PPP1R21: variants seen among roughly 807,000 people sequenced by gnomAD.
PPP1R21 encodes protein phosphatase 1 regulatory subunit 21.
Under a neutral mutation model 112.8 loss-of-function variants are expected in PPP1R21, and 85 were observed. That is an observed-to-expected ratio of 0.75 (90% CI 0.63 to 0.90). The LOEUF (loss-of-function observed/expected upper bound fraction) is 0.90. Among genes scored for constraint, PPP1R21 ranks in the 40% least tolerant of loss-of-function variants. PPP1R21 has a pLI of 0.00. For synonymous variants in PPP1R21, 381 were observed against 322.3 expected (o/e 1.18, Z -1.95); for missense variants, 1,199 against 901.5 (o/e 1.33, Z -4.23).
chr2:48,471,425 T>G, intron 11 of PPP1R21, 58 bp downstream of exon 11: 1 of 1,486,600 alleles, frequency 6.7e-7, no homozygotes, highest in South Asian at 1.4e-5. Flanking sequence ...CTGATCTGGC[T>G]GGCGTTAATA....
At chr2:48,461,699 A>T (rs1667985214) in intron 7 of PPP1R21, among the ~76,000 whole-genome samples, 1 of 152,200 alleles carries the variant, frequency 6.6e-6, no homozygotes, top group Non-Finnish European at 1.5e-5. Flanking sequence ...GATAATTTAC[A>T]TTCCCAGGAA....
At position 48,440,817 on chromosome 2, in the gene PPP1R21, C is replaced by T. The variant is rs935033156; in HGVS notation, c.-137C>T. 15 of 639,526 alleles carry T rather than the reference C, an allele frequency of 2.3e-5. No homozygotes were observed. The highest frequency in any genetic ancestry group is 1.6e-4 in the African/African-American group (8 of 51,216). The allele number at this position is 639,526 out of a possible 1,614,324, so 39.6% of individuals were successfully genotyped here. A position where few individuals can be genotyped will look rare whatever the true frequency, so the allele number is the denominator to read the frequency against. On this transcript the variant is annotated 5_prime_UTR_variant, in exon 1 of 22. Transcript: ENST00000294952. ...CCCGGAAGTGGAGGAGGAGGCGCGG[C>T]GGCGGCGGCGGCGGCGGCTGCGGTG... is the stretch of plus-strand genomic sequence containing the variant.
At chr2:48,510,338 T>C (rs1047572626) in intron 20 of PPP1R21, among the ~76,000 whole-genome samples, 1 of 152,262 alleles carries the variant, frequency 6.6e-6, no homozygotes, top group Non-Finnish European at 1.5e-5. Flanking sequence ...TATAGTCGGC[T>C]TTTGCTTAAA....
intron 8 of PPP1R21, among the ~76,000 whole-genome samples, chr2:48,465,246 C>G (rs1323473521): frequency 6.6e-6 from 1 of 152,104 alleles, no homozygotes; most frequent in Admixed American, 6.5e-5. Context: ...TTGAGCCATA[C>G]TTTTTTGTGG....
intron 17 of PPP1R21, among the ~76,000 whole-genome samples, chr2:48,499,023 C>A (rs1200807893): frequency 6.6e-6 from 1 of 151,482 alleles, no homozygotes; most frequent in Admixed American, 6.6e-5. Context: ...GGTGAGCTCT[C>A]TGGGGTCTCT....
intron 17 of PPP1R21, among the ~76,000 whole-genome samples, chr2:48,504,178 A>G (rs1384457822): frequency 1.3e-5 from 2 of 152,146 alleles, no homozygotes; most frequent in Non-Finnish European, 2.9e-5. Flanking sequence ...AAAGAGAGTA[A>G]TTGCTACTTC....
At chr2:48,461,255 C>A in intron 7 of PPP1R21, 23 bp downstream of exon 7, 1 of 1,501,796 alleles carries the variant, frequency 6.7e-7, no homozygotes. Flanking sequence ...TACAGTTTTC[C>A]ATTATTTGTA....
chr2:48,453,349 A>AT (rs1156422453), intron 2 of PPP1R21, among the ~76,000 whole-genome samples: 1 of 151,974 alleles, frequency 6.6e-6, no homozygotes, highest in Non-Finnish European at 1.5e-5. Flanking sequence ...ACATACAGTT[A>AT]TTTTTTTATT....
chr2:48,497,594 T>C (rs1409207630), intron 16 of PPP1R21, among the ~76,000 whole-genome samples: 29 of 152,190 alleles, frequency 1.9e-4, no homozygotes, highest in Admixed American at 1.7e-3. Flanking sequence ...GTTGTTGATA[T>C]TAGTTTTAAA....
intron 1 of PPP1R21, among the ~76,000 whole-genome samples, chr2:48,448,460 A>T (rs754800858): frequency 4.1e-4 from 62 of 152,184 alleles, no homozygotes; most frequent in Admixed American, 2.0e-4. Context: ...TTTTACAGGA[A>T]ATTATCAGTT....
Position 48,459,758 on chromosome 2 carries a change from T to G in PPP1R21, c.380T>G (p.Phe127Cys). 6.2e-7 allele frequency: 1 copy of G among 1,608,764 alleles called. No homozygotes were observed. Among genetic ancestry groups the G allele is most frequent in the Non-Finnish European group, 8.5e-7 (1 of 1,178,586 alleles). ...AAAATGGTCTTCTCTTTTTAGTTTT[T>G]TGAAGCTGATGAGCAGCACAAGCAT... Reference protein sequence around the residue: ...EENERLHIQFFEADEQHKHVE... With the variant: ...EENERLHIQFCEADEQHKHVE... The change falls in exon 5 of 22, where the codon TTT becomes TGT. Residue 127 changes from phenylalanine (F) to cysteine (C), a missense_variant. Coordinates refer to ENST00000294952, the MANE Select transcript of PPP1R21 (RefSeq NM_001135629.3).
chr2:48,445,323 C>G (rs538934216), intron 1 of PPP1R21, among the ~76,000 whole-genome samples: 132 of 152,060 alleles, frequency 8.7e-4, no homozygotes, highest in Non-Finnish European at 1.3e-3. Context: ...TGAAACGTAG[C>G]TAGTGTGTGA....
At chr2:48,499,793 A>T (rs1670021557) in intron 17 of PPP1R21, among the ~76,000 whole-genome samples, 1 of 152,204 alleles carries the variant, frequency 6.6e-6, no homozygotes. Flanking sequence ...AAAAACATTT[A>T]TATTGCTGTT....
At chr2:48,474,323 C>T (rs1402164410) in intron 11 of PPP1R21, among the ~76,000 whole-genome samples, 1 of 152,094 alleles carries the variant, frequency 6.6e-6, no homozygotes, top group African/African-American at 2.4e-5. Flanking sequence ...GCGGAGGTTA[C>T]AGTGAGCCGA....
At chr2:48,471,500 C>A in intron 11 of PPP1R21, 133 bp downstream of exon 11, 2 of 856,298 alleles carry the variant, frequency 2.3e-6, no homozygotes, top group East Asian at 2.6e-5. Flanking sequence ...TTTGGACTTC[C>A]GTGAAAAAGG....
At chr2:48,445,801 A>G (rs1465217461) in intron 1 of PPP1R21, among the ~76,000 whole-genome samples, 1 of 152,196 alleles carries the variant, frequency 6.6e-6, no homozygotes, top group Non-Finnish European at 1.5e-5. Context: ...CTGCTGCATA[A>G]TATGTAGCCT....
chr2:48,460,189 G>A (rs778943931), intron 6 of PPP1R21, 36 bp downstream of exon 6: 35 of 1,604,770 alleles, frequency 2.2e-5, no homozygotes, highest in Non-Finnish European at 2.7e-5. Context: ...GGGTTCTGAA[G>A]CAAGACTCAG....
At chr2:48,478,501 C>G (rs1454571056) in intron 12 of PPP1R21, among the ~76,000 whole-genome samples, 1 of 152,236 alleles carries the variant, frequency 6.6e-6, no homozygotes, top group Non-Finnish European at 1.5e-5. Context: ...GTCTCTTTCA[C>G]TGATCACACC....
At chr2:48,508,974 C>G (rs1001803640) in intron 19 of PPP1R21, among the ~76,000 whole-genome samples, 3 of 152,208 alleles carry the variant, frequency 2.0e-5, no homozygotes, top group African/African-American at 7.2e-5. Context: ...CTTTACTGCT[C>G]TGAGCGCCTT....
Sources: allele counts gnomAD v4.1 joint callset (sites outside exome capture counted in the v4.1 genomes callset), GRCh38; gene constraint gnomAD v4.1.1; transcripts MANE v1.5; gene names NCBI Gene and HGNC (gene_info 2026-07-23, HGNC 2026-07-21).